Variants in RGSL1 observed in about 807,000 individuals in gnomAD.
RGSL1 encodes the protein regulator of G protein signaling like 1.
A neutral mutation model predicts 124.7 loss-of-function variants in RGSL1; 97 were observed. That is an observed-to-expected ratio of 0.78 (90% CI 0.66 to 0.92). The LOEUF is 0.92. RGSL1 is among the 40% of genes least tolerant of loss of function. RGSL1 has a pLI of 0.00. For synonymous variants in RGSL1, 424 were observed against 438.1 expected (o/e 0.97, Z 0.40); for missense variants, 1,233 against 1,288.4 (o/e 0.96, Z 0.66).
rs527501853 is a variant in RGSL1 at position 182,520,268 on chromosome 1, T to C, written c.1826-1736T>C. 7.2e-5 allele frequency among the ~76,000 whole-genome samples: 11 copies of C among 152,324 alleles called. No homozygotes were observed. In the South Asian group the frequency reaches 2.3e-3, roughly 32 times the overall value. On this transcript the variant is annotated intron_variant, in intron 9 of 21. Coordinates refer to ENST00000294854, the MANE Select transcript of RGSL1 (RefSeq NM_001137669.2). ...TCTCATTCCCTTCATGATGAACTATTTATTGTTTTCTTTAGTCTTTGGAGT... is the reference window on the plus strand; with the variant it reads ...TCTCATTCCCTTCATGATGAACTATCTATTGTTTTCTTTAGTCTTTGGAGT...
At chr1:182,476,676 T>C (rs1316875988) in intron 6 of RGSL1, among the ~76,000 whole-genome samples, 1 of 152,212 alleles carries the variant, frequency 6.6e-6, no homozygotes, top group East Asian at 1.9e-4. Flanking sequence ...TGAAAACAGA[T>C]GGCTGTCTCA....
intron 2 of RGSL1, among the ~76,000 whole-genome samples, chr1:182,455,173 A>G (rs1395984648): frequency 6.6e-6 from 1 of 152,202 alleles, no homozygotes; most frequent in Non-Finnish European, 1.5e-5. Context: ...TGAGACAGAG[A>G]GATCATCCCT....
chr1:182,475,105 C>A (rs1240863104), intron 6 of RGSL1, among the ~76,000 whole-genome samples: 1 of 152,124 alleles, frequency 6.6e-6, no homozygotes, highest in Non-Finnish European at 1.5e-5. Flanking sequence ...GATGTCCATT[C>A]CTTCTTCACT....
rs564410269 is a variant in RGSL1, at chr1:182,527,699, G to A, written c.2052G>A (p.Glu684=). The A allele has an allele frequency of 1.2e-5, 19 of 1,551,296 alleles. No homozygotes were observed. In the East Asian group the frequency reaches 4.6e-4, roughly 38 times the overall value. ...FLTAVQKISI[E]TNEKICKSLI... is the part of the protein sequence containing the mutation. ...CAGCTGTACAGAAGATCAGTATAGA[G>A]ACCAATGAAAAGATTTGCAAGTCTC... The change falls in exon 11 of 22, where the codon GAG becomes GAA. Residue 684 remains glutamate, a synonymous_variant. Coordinates refer to ENST00000294854, the MANE Select transcript of RGSL1 (RefSeq NM_001137669.2).
At chr1:182,474,940 C>G (rs532920717) in intron 6 of RGSL1, among the ~76,000 whole-genome samples, 1 of 152,274 alleles carries the variant, frequency 6.6e-6, no homozygotes, top group East Asian at 1.9e-4. Flanking sequence ...ATTCTGAAAT[C>G]ATCCCCCCAG....
chr1:182,489,141 T>C lies in RGSL1; in HGVS notation c.1656T>C (p.Thr552=), dbSNP rs1472257193. 1.3e-6 allele frequency: 2 copies of C among 1,551,732 alleles called. No individual in the cohort carries two copies. The highest frequency in any genetic ancestry group is 1.7e-6 in the Non-Finnish European group (2 of 1,147,006). Residue 552 remains threonine (T), a synonymous_variant, in exon 8 of 22, where the codon ACT becomes ACC. Coordinates refer to ENST00000294854, the MANE Select transcript of RGSL1 (RefSeq NM_001137669.2). ...MDYRQWRKIA[T]EDLKQGGSLQ... ...ATAGGCAGTGGCGAAAGATAGCTACTGAGGACCTGAAGCAAGGAGGCTCTC... is the reference window on the plus strand; with the variant it reads ...ATAGGCAGTGGCGAAAGATAGCTACCGAGGACCTGAAGCAAGGAGGCTCTC...
At position 182,530,968 on chromosome 1, in the gene RGSL1, G is replaced by T. The variant is rs528283157; in HGVS notation, c.2364+58G>T. The T allele has an allele frequency of 1.6e-4, 244 of 1,507,746 alleles. 1 individual carries two copies. The South Asian group carries it at 2.7e-3, about 16-fold the overall frequency. 93.4% of individuals were successfully genotyped at this position (1,507,746 alleles called of 1,614,324 possible). ...GAGACAAGAAAACCATCGTCTTGGG[G>T]GTAGGTTTTTAAATCCCCATTTTGC... On this transcript the variant is annotated intron_variant, in intron 13 of 21. Coordinates refer to ENST00000294854, the MANE Select transcript of RGSL1 (RefSeq NM_001137669.2).
intron 15 of RGSL1, 151 bp from the exon 16 acceptor site, chr1:182,548,166 T>A (rs910871476): frequency 6.5e-6 from 5 of 765,860 alleles, no homozygotes; most frequent in Admixed American, 5.1e-5. Flanking sequence ...TATTTGCCAA[T>A]GGATGAATTA....
chr1:182,527,591 A>C lies in RGSL1; in HGVS notation c.1944A>C (p.Glu648Asp). ...KPSMRPRNLT[E>D]VLLNTQHLEF... ...TCTTGTTTTCCAGAAACTTGACAGA[A>C]GTCCTCTTAAATACACAGCACTTGG... The change falls in exon 11 of 22, where the codon GAA becomes GAC. Residue 648 changes from glutamate to aspartate, a missense_variant. Glu to Asp is a conservative substitution (Grantham distance 45). Transcript: ENST00000294854. The C allele has an allele frequency of 6.5e-7, 1 of 1,543,426 alleles. No individual in the cohort carries two copies. The highest frequency in any genetic ancestry group is 8.7e-7 in the Non-Finnish European group (1 of 1,144,808).
rs1259229190 is a variant in RGSL1, at chr1:182,473,947, T to C, written c.836T>C (p.Leu279Pro). The C allele has an allele frequency of 6.4e-7, 1 of 1,552,064 alleles. No individual in the cohort carries two copies. The highest frequency in any genetic ancestry group is 2.0e-5 in the Admixed American group (1 of 51,004). The change falls in exon 6 of 22, where the codon CTA (leucine) becomes CCA (proline). Residue 279 changes from leucine (L) to proline (P), a missense_variant. By Grantham distance (98) the Leu-to-Pro change is moderately conservative. Coordinates refer to ENST00000294854, the MANE Select transcript of RGSL1 (RefSeq NM_001137669.2). The part of the protein sequence containing the change: ...DLKPDAIGMP[L>P]QETCPQEKVV... The stretch of plus-strand genomic sequence containing the variant: ...AAGCCAGATGCTATTGGTATGCCCC[T>C]ACAGGAGACATGTCCTCAAGAGAAG...
chr1:182,540,162 C>G, intron 14 of RGSL1, 85 bp from the exon 15 acceptor site: 1 of 1,316,274 alleles, frequency 7.6e-7, no homozygotes, highest in East Asian at 2.7e-5. Context: ...TCCACAGTCT[C>G]CTTTCTTCTT....
chr1:182,554,629 T>G lies in RGSL1; in HGVS notation c.3133T>G (p.Ser1045Ala), dbSNP rs1571725560. 4.5e-6 allele frequency: 7 copies of G among 1,551,586 alleles called. No homozygotes were observed. The East Asian group carries it at 1.7e-4, about 38-fold the overall frequency. The change falls in exon 20 of 22, where the codon TCA becomes GCA. Residue 1045 changes from serine to alanine, a missense_variant and splice_region_variant. Ser to Ala is a moderately conservative substitution (Grantham distance 99). Transcript: ENST00000294854. ...REAISSVQNS[S>A]SSKLTQPRLV... ...TTTTTCTCTGTATTTCTCTTTAGCT[T>G]CATCAAGCAAACTTACTCAGCCAAG...
At chr1:182,516,198 C>T (rs1443574166) in intron 9 of RGSL1, among the ~76,000 whole-genome samples, 1 of 152,096 alleles carries the variant, frequency 6.6e-6, no homozygotes, top group Non-Finnish European at 1.5e-5. Flanking sequence ...AGGTGGCAGG[C>T]CAGAAGGCAA....
chr1:182,544,223 T>G (rs937361102), intron 15 of RGSL1, among the ~76,000 whole-genome samples: 2 of 152,146 alleles, frequency 1.3e-5, no homozygotes, highest in African/African-American at 2.4e-5. Context: ...TTCAAGGAAT[T>G]TTTAAATTTT....
intron 9 of RGSL1, among the ~76,000 whole-genome samples, chr1:182,513,849 C>T (rs533308155): frequency 1.3e-5 from 2 of 151,902 alleles, no homozygotes; most frequent in East Asian, 3.9e-4. Flanking sequence ...ACCAAGGCTC[C>T]TCTTAGCCTC....
chr1:182,552,395 T>C (rs1660620973), intron 18 of RGSL1, among the ~76,000 whole-genome samples: 1 of 152,118 alleles, frequency 6.6e-6, no homozygotes, highest in Non-Finnish European at 1.5e-5. Context: ...ATTACAGGTG[T>C]AAGCCACCGC....
intron 9 of RGSL1, among the ~76,000 whole-genome samples, chr1:182,503,974 C>T (rs1389473373): frequency 2.5e-5 from 3 of 118,222 alleles, no homozygotes; most frequent in South Asian, 2.7e-4. Context: ...TTTGTAATTT[C>T]TTTTTTTTTT....
intron 14 of RGSL1, among the ~76,000 whole-genome samples, chr1:182,534,458 TC>T (rs557698339): frequency 7.2e-4 from 109 of 152,374 alleles, no homozygotes; most frequent in South Asian, 3.5e-3. Flanking sequence ...TATTTTAATA[TC>T]ATTTATTTTA....
chr1:182,518,214 A>C (rs1558362724), intron 9 of RGSL1, among the ~76,000 whole-genome samples: 3 of 152,002 alleles, frequency 2.0e-5, no homozygotes. Context: ...TAATTTTTTT[A>C]ATAGAGATGA....
Sources: gnomAD v4.1 joint callset for allele counts (sites outside exome capture counted in the v4.1 genomes callset) on GRCh38, gnomAD v4.1.1 for gene constraint, MANE v1.5 for transcripts, NCBI Gene and HGNC (gene_info 2026-07-23, HGNC 2026-07-21) for gene names.